KCNQ1OT1: variants seen among roughly 807,000 people sequenced by gnomAD.
KCNQ1OT1 encodes KCNQ1 antisense RNA 2 (non-protein coding).
At chr11:2,650,496 T>G in exon 1 of KCNQ1OT1, 1 of 398,642 alleles carries the variant, frequency 2.5e-6, no homozygotes, top group East Asian at 3.6e-5. Context: ...GTGTGGTGTC[T>G]CTACAATTAA....
At position 2,657,881 on chromosome 11, in the gene KCNQ1OT1, G is replaced by A; in HGVS notation, n.42114C>T. The A allele has an allele frequency of 2.5e-6, 1 of 398,628 alleles. No homozygotes were observed. Among genetic ancestry groups the A allele is most frequent in the Non-Finnish European group, 4.4e-6 (1 of 226,064 alleles). The allele number at this position is 398,628 out of a possible 1,614,324, so 24.7% of individuals were successfully genotyped here. Reference sequence around the variant, plus strand: ...ATAGGTTTAGGGGAAGGAGGCCAGTGAGGTGAGATGCTTTCCTCATTGTGG... The same window carrying A: ...ATAGGTTTAGGGGAAGGAGGCCAGTAAGGTGAGATGCTTTCCTCATTGTGG... On this transcript the variant is annotated non_coding_transcript_exon_variant, in exon 1 of 1. Transcript: ENST00000597346. This position sits in a 1 kb window ranked among gnomAD's most constrained non-coding sequence, Gnocchi z 4.8.
chr11:2,675,981 C>CT (rs1280691168), exon 1 of KCNQ1OT1: 2 of 398,536 alleles, frequency 5.0e-6, no homozygotes, highest in Non-Finnish European at 8.8e-6. Context: ...AAATAACACT[C>CT]TCCCCACCCA....
rs558470427 is a variant in KCNQ1OT1, at chr11:2,632,892, A to C, written n.67103T>G. 11 of 398,490 alleles carry C rather than the reference A, an allele frequency of 2.8e-5. 1 individual carries two copies. The South Asian group carries it at 1.4e-3, about 51-fold the overall frequency. 24.7% of individuals were successfully genotyped at this position (398,490 alleles called of 1,614,324 possible). Reference sequence around the variant, plus strand: ...CTGCAATAAACATGAGAATGCAAATATCTTTTTTATATACTGATTTCCTTT... The same window carrying C: ...CTGCAATAAACATGAGAATGCAAATCTCTTTTTTATATACTGATTTCCTTT... On this transcript the variant is annotated non_coding_transcript_exon_variant, in exon 1 of 1. Coordinates refer to ENST00000597346, the Ensembl canonical transcript of KCNQ1OT1.
Position 2,676,581 on chromosome 11 carries a change from A to G in KCNQ1OT1, n.23414T>C, listed in dbSNP as rs1425151271. The G allele has an allele frequency of 7.5e-6, 3 of 398,564 alleles. No individual in the cohort carries two copies. In the East Asian group the frequency reaches 1.1e-4, roughly 14 times the overall value. The allele number at this position is 398,564 out of a possible 1,614,324, so 24.7% of individuals were successfully genotyped here. A position where few individuals can be genotyped will look rare whatever the true frequency, so the allele number is the denominator to read the frequency against. On this transcript the variant is annotated non_coding_transcript_exon_variant, in exon 1 of 1. Transcript: ENST00000597346. This position sits in a 1 kb window ranked among gnomAD's most constrained non-coding sequence, Gnocchi z 4.2. ...AAGGCTAAGGACCATCATACTGGGT[A>G]TTCAACAGCCAGCTCTCCAAAGAGG...
At position 2,653,097 on chromosome 11, in the gene KCNQ1OT1, G is replaced by A. The variant is rs1263108804; in HGVS notation, n.46898C>T. ...CCTCATACAGCAGGGTGTGGAGAGA[G>A]GCTCACTGAAGGTTTGGGGAGATGA... On this transcript the variant is annotated non_coding_transcript_exon_variant, in exon 1 of 1. Transcript: ENST00000597346. This position sits in a 1 kb window ranked among gnomAD's most constrained non-coding sequence, Gnocchi z 5.3. 7.3e-5 allele frequency: 29 copies of A among 398,612 alleles called. No individual in the cohort carries two copies. The highest frequency in any genetic ancestry group is 1.2e-3 in the Middle Eastern group (2 of 1,610). 24.7% of individuals were successfully genotyped at this position (398,612 alleles called of 1,614,324 possible).
rs34433807 is a variant in KCNQ1OT1 at position 2,664,762 on chromosome 11, A to AG, written n.35232dup. 759 of 398,758 alleles carry AG rather than the reference A, an allele frequency of 1.9e-3. 11 individuals carry two copies. Among genetic ancestry groups the AG allele is most frequent in the African/African-American group, 0.014 (698 of 48,720 alleles). 24.7% of individuals were successfully genotyped at this position (398,758 alleles called of 1,614,324 possible). A position where few individuals can be genotyped will look rare whatever the true frequency, so the allele number is the denominator to read the frequency against. ...ACAGGGATGTGTGCTGGGGTCTCAC[A>AG]GGGGGCAGAGTGGGTGGGAGGCAGT... On this transcript the variant is annotated non_coding_transcript_exon_variant, in exon 1 of 1. Transcript: ENST00000597346. The surrounding 1 kb of genome is among the most constrained non-coding windows in gnomAD (Gnocchi z 5.1).
At chr11:2,629,102 G>A (rs1035093058) in exon 1 of KCNQ1OT1, 1 of 397,690 alleles carries the variant, frequency 2.5e-6, no homozygotes, top group Non-Finnish European at 4.4e-6. Flanking sequence ...CAAATTTTAG[G>A]ATTTTTTTTG....
At position 2,687,571 on chromosome 11, in the gene KCNQ1OT1, CT is replaced by C. The variant is rs1200538500; in HGVS notation, n.12423del. On this transcript the variant is annotated non_coding_transcript_exon_variant, in exon 1 of 1. Coordinates refer to ENST00000597346, the Ensembl canonical transcript of KCNQ1OT1. This position sits in a 1 kb window ranked among gnomAD's most constrained non-coding sequence, Gnocchi z 5.0. Reference sequence around the variant, plus strand: ...TACCACAGCCCACTCTGATGACCCCCTGTCAAGGAGGTGTGACTGAGAAAGG... The same window carrying C: ...TACCACAGCCCACTCTGATGACCCCCGTCAAGGAGGTGTGACTGAGAAAGG... The C allele has an allele frequency of 7.5e-6, 3 of 398,634 alleles. No homozygotes were observed. Among genetic ancestry groups the C allele is most frequent in the African/African-American group, 2.1e-5 (1 of 48,630 alleles). 24.7% of individuals were successfully genotyped at this position (398,634 alleles called of 1,614,324 possible). A position where few individuals can be genotyped will look rare whatever the true frequency, so the allele number is the denominator to read the frequency against.
At chr11:2,638,109 T>C (rs1048848515) in exon 1 of KCNQ1OT1, 1 of 152,222 alleles carries the variant, frequency 6.6e-6, no homozygotes. Flanking sequence ...TACAGCACAC[T>C]GATGGGTCTT....
chr11:2,680,400 T>A, exon 1 of KCNQ1OT1: 1 of 398,464 alleles, frequency 2.5e-6, no homozygotes, highest in Non-Finnish European at 4.4e-6. Flanking sequence ...TCCTTCCATA[T>A]TTTTTTAGAT....
chr11:2,657,079 A>T lies in KCNQ1OT1; in HGVS notation n.42916T>A. On this transcript the variant is annotated non_coding_transcript_exon_variant, in exon 1 of 1. Coordinates refer to ENST00000597346, the Ensembl canonical transcript of KCNQ1OT1. This position sits in a 1 kb window ranked among gnomAD's most constrained non-coding sequence, Gnocchi z 4.8. The stretch of plus-strand genomic sequence containing the variant: ...ATGCTCAATCCTGTCCCATTGGCCT[A>T]TTTGTCTCTCCCTGTGTCAATACCA... 2.5e-6 allele frequency: 1 copy of T among 398,594 alleles called. No individual in the cohort carries two copies. Among genetic ancestry groups the T allele is most frequent in the Non-Finnish European group, 4.4e-6 (1 of 226,062 alleles). The allele number at this position is 398,594 out of a possible 1,614,324, so 24.7% of individuals were successfully genotyped here. A position where few individuals can be genotyped will look rare whatever the true frequency, so the allele number is the denominator to read the frequency against.
Position 2,659,091 on chromosome 11 carries a change from T to A in KCNQ1OT1, n.40904A>T, listed in dbSNP as rs1489323553. 2.0e-5 allele frequency: 8 copies of A among 398,466 alleles called. No individual in the cohort carries two copies. Among genetic ancestry groups the A allele is most frequent in the Non-Finnish European group, 3.5e-5 (8 of 226,056 alleles). The allele number at this position is 398,466 out of a possible 1,614,324, so 24.7% of individuals were successfully genotyped here. ...TCATAGTCTGCTTTTCATCGTAGGG[T>A]CCTCCAACATCCGGGTTAATTTTTT... is the stretch of plus-strand genomic sequence containing the variant. On this transcript the variant is annotated non_coding_transcript_exon_variant, in exon 1 of 1. Coordinates refer to ENST00000597346, the Ensembl canonical transcript of KCNQ1OT1. The surrounding 1 kb of genome is among the most constrained non-coding windows in gnomAD (Gnocchi z 4.3).
At chr11:2,625,207 G>A (rs895635333) in exon 1 of KCNQ1OT1, 5 of 398,452 alleles carry the variant, frequency 1.3e-5, no homozygotes, top group African/African-American at 4.1e-5. Flanking sequence ...AGTGCACAAG[G>A]ATTCCAATTT....
exon 1 of KCNQ1OT1, chr11:2,643,891 GGTTTT>G (rs1435458306): frequency 4.3e-5 from 17 of 398,342 alleles, no homozygotes; most frequent in Non-Finnish European, 7.5e-5. Context: ...GCAGGTTTTT[GGTTTT>G]GTTTTTTCTT....
exon 1 of KCNQ1OT1, chr11:2,685,488 G>A (rs1590031378): frequency 2.5e-6 from 1 of 398,874 alleles, no homozygotes; most frequent in East Asian, 3.6e-5. Context: ...CAGGCCACCA[G>A]CAAGTTGCTC....
rs953291691 is a variant in KCNQ1OT1, at chr11:2,642,794, A to G, written n.57201T>C. The G allele has an allele frequency of 5.5e-5, 22 of 397,616 alleles. No homozygotes were observed. Among genetic ancestry groups the G allele is most frequent in the Non-Finnish European group, 9.3e-5 (21 of 225,634 alleles). 24.6% of individuals were successfully genotyped at this position (397,616 alleles called of 1,614,324 possible). ...CTTTTCTACCTTTTTTAATGGAGGC[A>G]TTTATTACAATAAACTTTCCTCTTA... On this transcript the variant is annotated non_coding_transcript_exon_variant, in exon 1 of 1. Coordinates refer to ENST00000597346, the Ensembl canonical transcript of KCNQ1OT1. This position sits in a 1 kb window ranked among gnomAD's most constrained non-coding sequence, Gnocchi z 4.3.
chr11:2,609,829 G>C (rs1437830331), exon 1 of KCNQ1OT1: 1 of 397,892 alleles, frequency 2.5e-6, no homozygotes, highest in African/African-American at 2.1e-5. Context: ...CTTTATTATA[G>C]CACTTCAGGT....
chr11:2,686,006 T>G, exon 1 of KCNQ1OT1: 1 of 397,780 alleles, frequency 2.5e-6, no homozygotes, highest in Non-Finnish European at 4.4e-6. Context: ...CCAAGAAGAG[T>G]CAGGGGGGCT....
At chr11:2,615,470 T>TATGG in exon 1 of KCNQ1OT1, 1 of 398,074 alleles carries the variant, frequency 2.5e-6, no homozygotes, top group Non-Finnish European at 4.4e-6. Context: ...CATACAGCCA[T>TATGG]ATCTTACTCT....
Sources: allele counts gnomAD v4.1 joint callset, GRCh38; gene constraint gnomAD v4.1.1; non-coding constraint Gnocchi (gnomAD v3.1); transcripts MANE v1.5; gene names NCBI Gene and HGNC (gene_info 2026-07-23, HGNC 2026-07-21).